The following ANKRD36 variants were observed in gnomAD, a reference collection of about 807,000 sequenced individuals.
ANKRD36 encodes ankyrin repeat domain 36.
Under a neutral mutation model 278.1 loss-of-function variants are expected in ANKRD36, and 179 were observed. That is an observed-to-expected ratio of 0.64 (90% CI 0.57 to 0.73). ANKRD36 has a LOEUF of 0.73. ANKRD36 is among the 30% of genes least tolerant of loss of function. The probability of loss-of-function intolerance (pLI) is 0.00; values close to 1 mark genes in which losing one functional copy is unlikely to be tolerated. For synonymous variants in ANKRD36, 320 were observed against 641.1 expected (o/e 0.50, Z 7.57); for missense variants, 1,159 against 1,956.7 (o/e 0.59, Z 7.69).
At chr2:97,195,575 T>C (rs542082480) in intron 40 of ANKRD36, among the ~76,000 whole-genome samples, 7 of 152,094 alleles carry the variant, frequency 4.6e-5, no homozygotes, top group South Asian at 2.1e-4. Flanking sequence ...TTACTCCTCT[T>C]TGTTACTATT....
chr2:97,152,235 C>A (rs2046253298), intron 13 of ANKRD36, among the ~76,000 whole-genome samples: 1 of 146,876 alleles, frequency 6.8e-6, no homozygotes. Flanking sequence ...TCAAGTGATT[C>A]CCCTGCCTAG....
In ANKRD36 at chr2:97,206,009, T is replaced by C. The variant is rs751163973; in HGVS notation, c.3090+41T>C. The C allele has an allele frequency of 1.9e-6, 3 of 1,545,948 alleles. No individual in the cohort carries two copies. In the South Asian group the frequency reaches 3.6e-5, roughly 18 times the overall value. On this transcript the variant is annotated intron_variant, in intron 51 of 75. Coordinates refer to ENST00000420699, the MANE Select transcript of ANKRD36 (RefSeq NM_001354587.1). ...TTTATATTGTGAACGAGTTAATATA[T>C]GGTCTATGAAACATACTTTATTTAT...
chr2:97,170,085 C>A (rs1020885824), intron 22 of ANKRD36, among the ~76,000 whole-genome samples: 1 of 151,764 alleles, frequency 6.6e-6, no homozygotes, highest in African/African-American at 2.4e-5. Context: ...TGATATAGAC[C>A]AATGGAATAG....
intron 66 of ANKRD36, among the ~76,000 whole-genome samples, chr2:97,221,435 AC>A (rs2067641234): frequency 1.0e-5 from 1 of 98,212 alleles, no homozygotes; most frequent in Non-Finnish European, 1.9e-5. Flanking sequence ...CCTCTCCAGC[AC>A]CTGTTGTTTC....
At chr2:97,200,008 T>A (rs1480410474) in intron 44 of ANKRD36, among the ~76,000 whole-genome samples, 1 of 151,932 alleles carries the variant, frequency 6.6e-6, no homozygotes, top group Non-Finnish European at 1.5e-5. Context: ...GATTCTCACG[T>A]ATATGAGTTG....
chr2:97,161,480 C>G (rs77202280), intron 17 of ANKRD36, among the ~76,000 whole-genome samples: 3 of 150,898 alleles, frequency 2.0e-5, no homozygotes, highest in South Asian at 2.1e-4. Context: ...TTTTGTTTCT[C>G]TCTTCTCCCC....
At chr2:97,187,940 G>C (rs1295054099) in intron 32 of ANKRD36, among the ~76,000 whole-genome samples, 1 of 151,728 alleles carries the variant, frequency 6.6e-6, no homozygotes, top group African/African-American at 2.4e-5. Context: ...GAGGAAATCT[G>C]AGTGAACTCA....
At chr2:97,226,378 A>G (rs2069630284) in intron 67 of ANKRD36, among the ~76,000 whole-genome samples, 1 of 151,678 alleles carries the variant, frequency 6.6e-6, no homozygotes, top group African/African-American at 2.4e-5. Flanking sequence ...ATGGCCAGTG[A>G]TGGTGAGCAT....
intron 6 of ANKRD36, among the ~76,000 whole-genome samples, chr2:97,138,700 A>G (rs1487143902): frequency 1.3e-5 from 2 of 152,106 alleles, no homozygotes; most frequent in African/African-American, 4.8e-5. Context: ...ACAAGGCTAC[A>G]GTAATGAAAA....
intron 6 of ANKRD36, among the ~76,000 whole-genome samples, chr2:97,131,329 G>A (rs957620796): frequency 7.9e-5 from 12 of 151,828 alleles, no homozygotes; most frequent in Admixed American, 7.2e-4. Context: ...CGGTGAGACT[G>A]CTACAAGCAT....
At position 97,118,152 on chromosome 2, in the gene ANKRD36, C is replaced by G; in HGVS notation, c.286C>G (p.Arg96Gly). 1 of 1,572,738 alleles carries G rather than the reference C, an allele frequency of 6.4e-7. No homozygotes were observed. Among genetic ancestry groups the G allele is most frequent in the South Asian group, 1.2e-5 (1 of 85,662 alleles). The change falls in exon 2 of 76, where the codon CGT (arginine) becomes GGT (glycine). Residue 96 changes from arginine (R) to glycine (G), a missense_variant. Physicochemically the swap from Arg to Gly is moderately radical, Grantham distance 125 (BLOSUM62 -2). Coordinates refer to ENST00000420699, the MANE Select transcript of ANKRD36 (RefSeq NM_001354587.1). ...SRRCELNLCD[R>G]EDRTPLIKAV... ...AAGATGTGAGCTTAACCTCTGCGAC[C>G]GTGAAGACAGGACACCTCTGATCAA... is the stretch of plus-strand genomic sequence containing the variant.
chr2:97,224,288 T>C (rs1288911331), intron 66 of ANKRD36, among the ~76,000 whole-genome samples: 1 of 151,216 alleles, frequency 6.6e-6, no homozygotes, highest in African/African-American at 2.4e-5. Flanking sequence ...TTTGCATGGC[T>C]TGAACCTGGT....
intron 56 of ANKRD36, among the ~76,000 whole-genome samples, chr2:97,210,140 C>T (rs1558813766): frequency 6.6e-6 from 1 of 151,920 alleles, no homozygotes; most frequent in African/African-American, 2.4e-5. Flanking sequence ...TGGGGAACAA[C>T]ATAATTTTAC....
intron 22 of ANKRD36, 87 bp from the exon 23 acceptor site, chr2:97,179,651 G>A (rs2055527344): frequency 6.4e-7 from 1 of 1,555,060 alleles, no homozygotes; most frequent in Non-Finnish European, 8.6e-7. Context: ...TACAAAACTT[G>A]ATGCTAACAT....
chr2:97,147,470 C>T lies in ANKRD36; in HGVS notation c.1034+954C>T, dbSNP rs192251361. 3.8e-4 allele frequency among the ~76,000 whole-genome samples: 57 copies of T among 151,980 alleles called. 3 individuals carry two copies. In the East Asian group the frequency reaches 0.011, roughly 29 times the overall value. ...AAATCCTAGAGACTAAACAAAGTAT[C>T]CTCTAGTGCTTGAATCCTTGCTTAA... On this transcript the variant is annotated intron_variant, in intron 11 of 75. Coordinates refer to ENST00000420699, the MANE Select transcript of ANKRD36 (RefSeq NM_001354587.1).
intron 10 of ANKRD36, among the ~76,000 whole-genome samples, chr2:97,146,157 G>A (rs919752269): frequency 1.3e-4 from 20 of 151,814 alleles, no homozygotes; most frequent in African/African-American, 3.6e-4. Flanking sequence ...ACTAGAGTCC[G>A]GCTTTTGCCA....
chr2:97,244,138 A>G (rs1381000439), intron 70 of ANKRD36, 109 bp downstream of exon 70: 1 of 1,361,388 alleles, frequency 7.3e-7, no homozygotes, highest in Non-Finnish European at 9.7e-7. Context: ...CCCAAATTTT[A>G]TTTCATCTTA....
Position 97,118,349 on chromosome 2 carries a change from A to T in ANKRD36, c.318A>T (p.Val106=). The T allele has an allele frequency of 6.2e-7, 1 of 1,610,788 alleles. No individual in the cohort carries two copies. The highest frequency in any genetic ancestry group is 8.5e-7 in the Non-Finnish European group (1 of 1,178,756). ...REDRTPLIKA[V]QLRQEACATL... ...TCTCGGTCTAATACTGACAGGCTGT[A>T]CAACTGAGGCAGGAGGCTTGTGCAA... The change falls in exon 3 of 76, where the codon GTA becomes GTT. Residue 106 remains valine (V), a synonymous_variant. Transcript: ENST00000420699.
chr2:97,169,497 T>C (rs141813925), intron 22 of ANKRD36, among the ~76,000 whole-genome samples: 2,939 of 151,910 alleles, frequency 0.019, no homozygotes, highest in African/African-American at 0.061. Context: ...GGAAGTCAAA[T>C]TGTCTCTGCA....
Sources: gnomAD v4.1 joint callset for allele counts (sites outside exome capture counted in the v4.1 genomes callset) on GRCh38, gnomAD v4.1.1 for gene constraint, MANE v1.5 for transcripts, NCBI Gene and HGNC (gene_info 2026-07-23, HGNC 2026-07-21) for gene names.